GAK: variants seen among roughly 807,000 people sequenced by gnomAD.
GAK encodes the protein cyclin-G-associated kinase.
In GAK, 79 loss-of-function variants were observed where a neutral mutation model predicts 143.9. That is an observed-to-expected ratio of 0.55 (90% CI 0.46 to 0.66). The LOEUF (loss-of-function observed/expected upper bound fraction) is 0.66. Among genes scored for constraint, GAK ranks in the 30% least tolerant of loss-of-function variants. The pLI is 0.00. For synonymous variants in GAK, 881 were observed against 765.5 expected, an observed-to-expected ratio of 1.15 and a Z score of -2.49; for missense variants, 1,693 against 1,779.7, an observed-to-expected ratio of 0.95 and a Z score of 0.88.
chr4:852,386 C>G, intron 24 of GAK: 1 of 232,738 alleles, frequency 4.3e-6, no homozygotes, highest in Non-Finnish European at 8.5e-6. Flanking sequence ...AGAGGGCCAC[C>G]ACCATCTGTC....
At chr4:911,808 G>A (rs746327102) in intron 3 of GAK, 21 bp from the exon 4 acceptor site, 35 of 1,566,602 alleles carry the variant, frequency 2.2e-5, no homozygotes, top group Non-Finnish European at 3.0e-5. Context: ...CTTGTTAAAG[G>A]AGAACGTACA....
chr4:849,655 GCCA>G lies in GAK; in HGVS notation c.*15_*17del. On this transcript the variant is annotated 3_prime_UTR_variant, in exon 28 of 28. Coordinates refer to ENST00000314167, the MANE Select transcript of GAK (RefSeq NM_005255.4). ...CCCAACCTGTGGAGCTGTGTGCGCA[GCCA>G]CCACCACTGCGGCCTCAGAAGAGGG... is the stretch of plus-strand genomic sequence containing the variant. 1 of 1,590,714 alleles carries G rather than the reference GCCA, an allele frequency of 6.3e-7. No homozygotes were observed. The highest frequency in any genetic ancestry group is 1.1e-5 in the South Asian group (1 of 89,822).
At chr4:905,774 ACCAGGCCACGCTGCCTTTT>A (rs1205218397) in intron 4 of GAK, among the ~76,000 whole-genome samples, 2 of 152,196 alleles carry the variant, frequency 1.3e-5, no homozygotes, top group East Asian at 3.9e-4. Context: ...ACGCCACCAC[ACCAGGCCACGCTGCCTTTT>A]CCAGCCACAG....
At chr4:918,882 G>A (rs1002915266) in intron 1 of GAK, among the ~76,000 whole-genome samples, 3 of 133,344 alleles carry the variant, frequency 2.2e-5, no homozygotes, top group Non-Finnish European at 5.0e-5. Context: ...AGGCTCCAAA[G>A]GCCTCAGCGC....
Position 868,603 on chromosome 4 carries a change from G to A in GAK, c.2331C>T (p.Asp777=), listed in dbSNP as rs1423766280. ...CGCTGCTGCTTGGCGGTGAGTCAGA[G>A]TCTGTGGGTTCGGCTTCCGGGGACC... is the stretch of plus-strand genomic sequence containing the variant. ...GAGSPEAEPT[D]SDSPPSSSAD... Residue 777 remains aspartate (D), a synonymous_variant, in exon 20 of 28, where the codon GAC becomes GAT. Transcript: ENST00000314167. 3 of 1,600,328 alleles carry A rather than the reference G, an allele frequency of 1.9e-6. No individual in the cohort carries two copies. The highest frequency in any genetic ancestry group is 4.6e-5 in the East Asian group (2 of 43,830).
intron 27 of GAK, 59 bp from the exon 28 acceptor site, chr4:849,833 G>T: frequency 1.7e-6 from 2 of 1,190,152 alleles, no homozygotes; most frequent in Non-Finnish European, 2.3e-6. Flanking sequence ...GGCGGGGCAG[G>T]ACCCCCCCCC....
intron 15 of GAK, among the ~76,000 whole-genome samples, chr4:880,481 G>C (rs929132650): frequency 6.6e-6 from 1 of 152,174 alleles, no homozygotes; most frequent in African/African-American, 2.4e-5. Context: ...TATAGTAGCT[G>C]CGCCCCCTTG....
rs750688812 is a variant in GAK, at chr4:866,486, G to T, written c.2921C>A (p.Pro974His). 12 of 1,613,978 alleles carry T rather than the reference G, an allele frequency of 7.4e-6. No individual in the cohort carries two copies. The highest frequency in any genetic ancestry group is 1.0e-5 in the Non-Finnish European group (12 of 1,179,986). ...GCCGAAGAGATCAGGATTGGAGCAG[G>T]GCTGGGAGTTGTTGCCTGAAGACGG... ...LLPSSGNNSQ[P>H]CSNPDLFGEF... Residue 974 changes from proline to histidine, a missense_variant, in exon 22 of 28, where the codon CCC becomes CAC. Pro to His is a moderately conservative substitution (Grantham distance 77). Transcript: ENST00000314167.
chr4:871,750 C>T (rs920975076), intron 18 of GAK, among the ~76,000 whole-genome samples: 1 of 151,926 alleles, frequency 6.6e-6, no homozygotes, highest in African/African-American at 2.4e-5. Flanking sequence ...GTTGGCCGCA[C>T]GGGGAGGCAG....
chr4:911,738 G>T lies in GAK; in HGVS notation c.317C>A (p.Ser106Tyr). Residue 106 changes from serine (S) to tyrosine (Y), a missense_variant, in exon 4 of 28, where the codon TCT becomes TAT. Around this residue, in one of 2 missense-constraint regions of GAK, gnomAD observed 871 missense variants for 991.0 expected, o/e 0.88. Coordinates refer to ENST00000314167, the MANE Select transcript of GAK (RefSeq NM_005255.4). Reference sequence around the variant, plus strand: ...CGTGTCTGACTCCTCTTTTCCTATAGACGCTGCAGAACAAAACTGGACAAT... The same window carrying T: ...CGTGTCTGACTCCTCTTTTCCTATATACGCTGCAGAACAAAACTGGACAAT... The part of the protein sequence containing the change: ...PNIVQFCSAA[S>Y]IGKEESDTGQ... 1 of 1,614,104 alleles carries T rather than the reference G, an allele frequency of 6.2e-7. No homozygotes were observed. Among genetic ancestry groups the T allele is most frequent in the Non-Finnish European group, 8.5e-7 (1 of 1,179,990 alleles).
chr4:860,778 C>T (rs908344976), intron 23 of GAK, among the ~76,000 whole-genome samples: 1 of 150,570 alleles, frequency 6.6e-6, no homozygotes, highest in African/African-American at 2.4e-5. Flanking sequence ...CAGGCCCTGG[C>T]GCACCTCGCA....
At chr4:916,967 C>T (rs1296908183) in intron 1 of GAK, among the ~76,000 whole-genome samples, 1 of 152,194 alleles carries the variant, frequency 6.6e-6, no homozygotes, top group Non-Finnish European at 1.5e-5. Context: ...AACAAATTAC[C>T]CACACCTCTA....
intron 24 of GAK, among the ~76,000 whole-genome samples, chr4:855,471 A>G (rs1208736356): frequency 1.3e-5 from 2 of 152,194 alleles, no homozygotes; most frequent in African/African-American, 4.8e-5. Context: ...TCATAGTTCT[A>G]AAAGATCTTT....
At chr4:857,392 T>A (rs539710820) in intron 24 of GAK, among the ~76,000 whole-genome samples, 1 of 152,346 alleles carries the variant, frequency 6.6e-6, no homozygotes, top group East Asian at 1.9e-4. Context: ...GAATTGGCAT[T>A]CTCTTTCAAC....
At chr4:908,625 T>C (rs968325616) in intron 4 of GAK, among the ~76,000 whole-genome samples, 1 of 151,966 alleles carries the variant, frequency 6.6e-6, no homozygotes, top group East Asian at 1.9e-4. Flanking sequence ...CTAAGAAAAG[T>C]TTACTCTTTA....
intron 18 of GAK, chr4:872,904 G>A: frequency 6.4e-6 from 1 of 156,936 alleles, no homozygotes. Context: ...TGCCATGGCT[G>A]CAACCCTGTG....
At position 876,619 on chromosome 4, in the gene GAK, G is replaced by T. The variant is rs764850655; in HGVS notation, c.1975-10C>A. ...TCTTCATGGATGCCATCTGCAAAGA[G>T]AGCAAACACGACACCCCACGTGGAG... On this transcript the variant is annotated splice_polypyrimidine_tract_variant and intron_variant, in intron 17 of 27. Transcript: ENST00000314167. 5.6e-6 allele frequency: 9 copies of T among 1,612,872 alleles called. No individual in the cohort carries two copies. Among genetic ancestry groups the T allele is most frequent in the Non-Finnish European group, 7.6e-6 (9 of 1,179,006 alleles).
intron 8 of GAK, 116 bp from the exon 9 acceptor site, chr4:893,605 G>A (rs1463075530): frequency 1.2e-5 from 9 of 761,106 alleles, no homozygotes; most frequent in African/African-American, 3.6e-5. Flanking sequence ...CATCAGTGAC[G>A]TCAGAAGCAA....
chr4:900,105 C>G (rs1719576161), intron 5 of GAK, among the ~76,000 whole-genome samples: 1 of 152,268 alleles, frequency 6.6e-6, no homozygotes, highest in Non-Finnish European at 1.5e-5. Context: ...CACTGAAGGC[C>G]CAGGAGTGCC....
Sources: gnomAD v4.1 joint callset for allele counts (sites outside exome capture counted in the v4.1 genomes callset) on GRCh38, gnomAD v4.1.1 for gene constraint, gnomAD v4.1.1 regional missense constraint, MANE v1.5 for transcripts, NCBI Gene and HGNC (gene_info 2026-07-23, HGNC 2026-07-21) for gene names.